Variants in ROBO1 observed in about 807,000 individuals in gnomAD.
ROBO1 encodes the protein roundabout homolog 1.
A neutral mutation model predicts 195.9 loss-of-function variants in ROBO1; 149 were observed. The observed-to-expected ratio is 0.76, with a 90% CI of 0.67 to 0.87. ROBO1 has a LOEUF of 0.87. ROBO1 is among the 40% of genes least tolerant of loss of function. ROBO1 has a pLI of 0.00. For synonymous variants in ROBO1, 816 were observed against 733.2 expected, an observed-to-expected ratio of 1.11 and a Z score of -1.82; for missense variants, 1,933 against 2,068.3, an observed-to-expected ratio of 0.93 and a Z score of 1.27.
chr3:78,885,431 A>AC (rs1157644904), intron 4 of ROBO1, among the ~76,000 whole-genome samples: 194 of 149,560 alleles, frequency 1.3e-3, no homozygotes, highest in African/African-American at 4.4e-3. Flanking sequence ...AAAAAAAAAA[A>AC]AAAAAAAAAA....
intron 2 of ROBO1, among the ~76,000 whole-genome samples, chr3:79,293,268 C>T (rs1054019621): frequency 6.6e-6 from 1 of 152,098 alleles, no homozygotes; most frequent in Non-Finnish European, 1.5e-5. Flanking sequence ...ATTCTTCTCT[C>T]TTTTCCTATT....
At chr3:79,764,885 G>A (rs1439239924) in intron 1 of ROBO1, among the ~76,000 whole-genome samples, 1 of 152,070 alleles carries the variant, frequency 6.6e-6, no homozygotes, top group Non-Finnish European at 1.5e-5. Context: ...TGCAGTATAG[G>A]GTAAGAGAAA....
intron 2 of ROBO1, among the ~76,000 whole-genome samples, chr3:79,198,361 T>G (rs558834569): frequency 6.6e-6 from 1 of 152,242 alleles, no homozygotes; most frequent in African/African-American, 2.4e-5. Context: ...AGTGTGGTGT[T>G]ATTTCTGAGG....
rs73851608 is a variant in ROBO1 at position 78,981,348 on chromosome 3, T to C, written c.173-42421A>G. Among the ~76,000 whole-genome samples the C allele has an allele frequency of 5.6e-3, 857 of 152,262 alleles. 8 individuals are homozygous for C. Among genetic ancestry groups the C allele is most frequent in the African/African-American group, 0.02 (825 of 41,554 alleles). On this transcript the variant is annotated intron_variant, in intron 3 of 30. Coordinates refer to ENST00000464233, the MANE Select transcript of ROBO1 (RefSeq NM_002941.4). The stretch of plus-strand genomic sequence containing the variant: ...TTACCATCACCCTCTTACATGACTA[T>C]CAACCAGCATCTCAAATAACAAAGA...
chr3:78,671,296 T>C (rs1708052009), intron 10 of ROBO1, among the ~76,000 whole-genome samples: 1 of 152,090 alleles, frequency 6.6e-6, no homozygotes, highest in Admixed American at 6.6e-5. Context: ...TGAAACTCTA[T>C]AGTTTTTTTT....
chr3:78,657,340 G>A, intron 17 of ROBO1, 71 bp from the exon 18 acceptor site: 2 of 1,512,328 alleles, frequency 1.3e-6, no homozygotes, highest in East Asian at 2.3e-5. Context: ...ACACAGGGTT[G>A]CAGTTTTAGA....
chr3:79,676,823 G>A (rs779626013), intron 1 of ROBO1, among the ~76,000 whole-genome samples: 7 of 152,014 alleles, frequency 4.6e-5, no homozygotes, highest in Non-Finnish European at 1.0e-4. Context: ...ACCAAGGGAT[G>A]AGAATGAGGG....
chr3:79,604,018 C>T lies in ROBO1; in HGVS notation c.-50-14057G>A, dbSNP rs146837937. 1.4e-4 allele frequency among the ~76,000 whole-genome samples: 21 copies of T among 152,106 alleles called. No homozygotes were observed. In the East Asian group the frequency reaches 2.7e-3, roughly 20 times the overall value. On this transcript the variant is annotated intron_variant, in intron 1 of 30. Coordinates refer to ENST00000464233, the MANE Select transcript of ROBO1 (RefSeq NM_002941.4). ...AAGTGATACACAACAGGTACTCTCACGCAGGAGTTGTTCTTTTAATAAACA... is the reference window on the plus strand; with the variant it reads ...AAGTGATACACAACAGGTACTCTCATGCAGGAGTTGTTCTTTTAATAAACA...
chr3:78,961,131 A>G (rs2041323643), intron 3 of ROBO1, among the ~76,000 whole-genome samples: 1 of 152,198 alleles, frequency 6.6e-6, no homozygotes, highest in African/African-American at 2.4e-5. Context: ...CACTATACAT[A>G]TACTGGCAAT....
chr3:79,108,846 C>A (rs2079833342), intron 3 of ROBO1, among the ~76,000 whole-genome samples: 2 of 151,624 alleles, frequency 1.3e-5, no homozygotes, highest in South Asian at 2.1e-4. Context: ...TCCACCAGTT[C>A]TTTTTAAATT....
At chr3:78,952,379 T>C (rs547376543) in intron 3 of ROBO1, among the ~76,000 whole-genome samples, 15 of 149,858 alleles carry the variant, frequency 1.0e-4, no homozygotes, top group Non-Finnish European at 1.8e-4. Context: ...TATAAAAATC[T>C]ATATATTTAT....
At chr3:79,676,255 T>C (rs1946780527) in intron 1 of ROBO1, among the ~76,000 whole-genome samples, 1 of 152,104 alleles carries the variant, frequency 6.6e-6, no homozygotes, top group East Asian at 1.9e-4. Flanking sequence ...TATTTCTCAC[T>C]TTATAGAGTT....
chr3:79,341,383 G>A (rs2034898804), intron 2 of ROBO1, among the ~76,000 whole-genome samples: 1 of 152,152 alleles, frequency 6.6e-6, no homozygotes, highest in East Asian at 1.9e-4. Context: ...GATAGGCACT[G>A]AGGCTTCACT....
intron 4 of ROBO1, among the ~76,000 whole-genome samples, chr3:78,931,400 C>T (rs1053487758): frequency 1.3e-5 from 2 of 151,908 alleles, no homozygotes; most frequent in Non-Finnish European, 2.9e-5. Context: ...GCATGCACCA[C>T]CATGCCCGTC....
At chr3:79,626,469 T>C (rs1945184326) in intron 1 of ROBO1, among the ~76,000 whole-genome samples, 1 of 152,002 alleles carries the variant, frequency 6.6e-6, no homozygotes, top group Non-Finnish European at 1.5e-5. Flanking sequence ...AAAAAACCTC[T>C]CAATAAACTA....
intron 2 of ROBO1, among the ~76,000 whole-genome samples, chr3:79,200,490 G>A (rs2081742585): frequency 6.6e-6 from 1 of 151,600 alleles, no homozygotes; most frequent in Admixed American, 6.6e-5. Flanking sequence ...CAATCTAGAT[G>A]TATTAGACAA....
chr3:79,709,056 C>T (rs1033539074), intron 1 of ROBO1, among the ~76,000 whole-genome samples: 12 of 151,824 alleles, frequency 7.9e-5, no homozygotes, highest in African/African-American at 2.9e-4. Context: ...CACAGGCACA[C>T]ACAAACAAAA....
At chr3:79,680,432 T>C (rs1576221328) in intron 1 of ROBO1, among the ~76,000 whole-genome samples, 1 of 152,022 alleles carries the variant, frequency 6.6e-6, no homozygotes, top group Non-Finnish European at 1.5e-5. Flanking sequence ...TGAGAAAGAA[T>C]TATCATCTGA....
At chr3:79,290,938 A>T (rs1222876542) in intron 2 of ROBO1, among the ~76,000 whole-genome samples, 2 of 152,060 alleles carry the variant, frequency 1.3e-5, no homozygotes, top group Non-Finnish European at 2.9e-5. Context: ...TTCTCCTTAC[A>T]CTATCTCTTG....
Sources: allele counts gnomAD v4.1 joint callset (sites outside exome capture counted in the v4.1 genomes callset), GRCh38; gene constraint gnomAD v4.1.1; transcripts MANE v1.5; gene names NCBI Gene and HGNC (gene_info 2026-07-23, HGNC 2026-07-21).